Variants in EML5 observed in about 807,000 individuals in gnomAD.
EML5 encodes echinoderm microtubule-associated protein-like 5.
A neutral mutation model predicts 250.0 loss-of-function variants in EML5; 120 were observed. The ratio of observed to expected loss-of-function variants is 0.48; its 90% CI spans 0.41 to 0.56. The LOEUF (loss-of-function observed/expected upper bound fraction) is 0.56. EML5 is among the 20% of genes least tolerant of loss of function. The pLI is 0.00. For synonymous variants in EML5, 771 were observed against 806.5 expected (o/e 0.96, Z 0.75); for missense variants, 2,006 against 2,437.6 (o/e 0.82, Z 3.73).
intron 8 of EML5, 35 bp downstream of exon 8, chr14:88,726,506 T>TA (rs1432351376): frequency 6.4e-7 from 1 of 1,553,884 alleles, no homozygotes. Context: ...TCACTGAAGA[T>TA]AAAATTATTA....
Position 88,625,113 on chromosome 14 carries a change from A to G in EML5, c.4755T>C (p.Phe1585=). The change falls in exon 36 of 44, where the codon TTT becomes TTC. Residue 1585 remains phenylalanine, a synonymous_variant. Coordinates refer to ENST00000554922, the MANE Select transcript of EML5 (RefSeq NM_183387.3). ...AGACATCACCACTGATGGTACCTGTAAACGTCAAGTTATTCTGAAAAGGAG... is the reference window on the plus strand; with the variant it reads ...AGACATCACCACTGATGGTACCTGTGAACGTCAAGTTATTCTGAAAAGGAG... ...AIAFGANNLT[F]TGTISGDVCV... 8 of 1,613,834 alleles carry G rather than the reference A, an allele frequency of 5.0e-6. No individual in the cohort carries two copies. The highest frequency in any genetic ancestry group is 5.9e-6 in the Non-Finnish European group (7 of 1,179,832).
chr14:88,689,129 A>G (rs992146456), intron 17 of EML5, among the ~76,000 whole-genome samples: 4 of 152,186 alleles, frequency 2.6e-5, no homozygotes, highest in Admixed American at 2.6e-4. Context: ...TTTCCTATTA[A>G]TGGAGATTTA....
intron 1 of EML5, among the ~76,000 whole-genome samples, chr14:88,764,077 T>C (rs1248330448): frequency 6.6e-6 from 1 of 152,240 alleles, no homozygotes; most frequent in East Asian, 1.9e-4. Context: ...CTTGTATTCC[T>C]GGAATGAATC....
chr14:88,750,281 T>C (rs1382921905), intron 2 of EML5, among the ~76,000 whole-genome samples: 1 of 152,118 alleles, frequency 6.6e-6, no homozygotes, highest in Non-Finnish European at 1.5e-5. Flanking sequence ...AATGGGGATA[T>C]AAAATTACTT....
At chr14:88,692,455 T>A (rs2092983015) in intron 17 of EML5, among the ~76,000 whole-genome samples, 1 of 152,202 alleles carries the variant, frequency 6.6e-6, no homozygotes, top group Admixed American at 6.5e-5. Flanking sequence ...TAAACAACAG[T>A]ACAACAAACT....
Position 88,736,453 on chromosome 14 carries a change from C to T in EML5, c.960G>A (p.Met320Ile). Residue 320 changes from methionine (M) to isoleucine (I), a missense_variant, in exon 7 of 44, where the codon ATG becomes ATA. Transcript: ENST00000554922. ...VQERNKPFLI[M>I]QGHCEGELWA... ...AAAGTTCACCTTCACAATGCCCTTGCATAATTAGAAAAGGTTTATTTCTTT... is the reference window on the plus strand; with the variant it reads ...AAAGTTCACCTTCACAATGCCCTTGTATAATTAGAAAAGGTTTATTTCTTT... 1 of 1,614,052 alleles carries T rather than the reference C, an allele frequency of 6.2e-7. No individual in the cohort carries two copies. Among genetic ancestry groups the T allele is most frequent in the Non-Finnish European group, 8.5e-7 (1 of 1,179,906 alleles).
intron 27 of EML5, among the ~76,000 whole-genome samples, chr14:88,652,760 T>C (rs2091690624): frequency 6.6e-6 from 1 of 152,194 alleles, no homozygotes; most frequent in Non-Finnish European, 1.5e-5. Context: ...TCCATGCCAT[T>C]CAATGCTCCA....
At chr14:88,713,399 A>C (rs933501584) in intron 9 of EML5, among the ~76,000 whole-genome samples, 31 of 152,204 alleles carry the variant, frequency 2.0e-4, no homozygotes, top group African/African-American at 7.0e-4. Context: ...CTCAAAAAAA[A>C]AAAATACTAA....
At chr14:88,680,914 A>T (rs766591197) in intron 21 of EML5, among the ~76,000 whole-genome samples, 17 of 152,176 alleles carry the variant, frequency 1.1e-4, no homozygotes, top group Non-Finnish European at 1.2e-4. Flanking sequence ...CAGAAAAAAA[A>T]CAAAAACCAA....
intron 1 of EML5, among the ~76,000 whole-genome samples, chr14:88,782,833 A>C (rs568694268): frequency 1.4e-4 from 21 of 152,274 alleles, no homozygotes; most frequent in African/African-American, 5.1e-4. Flanking sequence ...TAATCCCAGC[A>C]CTTTGGGAGG....
At chr14:88,706,151 C>T in intron 11 of EML5, 108 bp downstream of exon 11, 2 of 1,049,936 alleles carry the variant, frequency 1.9e-6, no homozygotes, top group Non-Finnish European at 2.7e-6. Context: ...TAACAAACTA[C>T]ACTGTTAACT....
intron 25 of EML5, 37 bp downstream of exon 25, chr14:88,661,617 T>C (rs1192243323): frequency 7.0e-6 from 11 of 1,570,514 alleles, no homozygotes; most frequent in South Asian, 1.2e-5. Context: ...CATTTCATAA[T>C]TGATGATCAT....
chr14:88,672,213 C>G (rs1279989403), intron 21 of EML5, among the ~76,000 whole-genome samples: 1 of 152,304 alleles, frequency 6.6e-6, no homozygotes, highest in Non-Finnish European at 1.5e-5. Context: ...GACCACAGCA[C>G]TATCAAATTA....
chr14:88,616,638 A>C (rs1230958653), intron 42 of EML5, 88 bp downstream of exon 42: 7 of 1,314,290 alleles, frequency 5.3e-6, no homozygotes, highest in African/African-American at 1.5e-5. Context: ...ATTAGGACAA[A>C]ACATTTTAAA....
chr14:88,791,335 T>A (rs1262538010), intron 1 of EML5, among the ~76,000 whole-genome samples: 1 of 152,208 alleles, frequency 6.6e-6, no homozygotes, highest in Non-Finnish European at 1.5e-5. Context: ...GAATCTTTGA[T>A]AAAACCCCAA....
At position 88,693,848 on chromosome 14, in the gene EML5, G is replaced by A. The variant is rs181639493; in HGVS notation, c.2539+459C>T. The stretch of plus-strand genomic sequence containing the variant: ...GTGCAGTGGGAGATCACAGCTCACT[G>A]CAGCCTTAACCTCCTGGGCTCAAGT... On this transcript the variant is annotated intron_variant, in intron 17 of 43. Transcript: ENST00000554922. Among the ~76,000 whole-genome samples the A allele has an allele frequency of 3.9e-3, 521 of 132,598 alleles. 1 individual carries two copies. Among genetic ancestry groups the A allele is most frequent in the Middle Eastern group, 0.024 (5 of 208 alleles). 87.0% of individuals were successfully genotyped at this position (132,598 alleles called of 152,430 possible). A position where few individuals can be genotyped will look rare whatever the true frequency, so the allele number is the denominator to read the frequency against.
At chr14:88,664,774 T>C (rs1347943805) in intron 22 of EML5, 150 bp from the exon 23 acceptor site, 32 of 800,224 alleles carry the variant, frequency 4.0e-5, no homozygotes, top group Non-Finnish European at 5.7e-5. Flanking sequence ...TAACAAATGA[T>C]AACATTTTTC....
At chr14:88,721,719 A>G (rs1309454145) in intron 8 of EML5, among the ~76,000 whole-genome samples, 1 of 152,230 alleles carries the variant, frequency 6.6e-6, no homozygotes, top group Non-Finnish European at 1.5e-5. Context: ...CAAAGATTTC[A>G]TGAAGAAATC....
chr14:88,776,656 G>A (rs1227459409), intron 1 of EML5, among the ~76,000 whole-genome samples: 1 of 151,656 alleles, frequency 6.6e-6, no homozygotes, highest in Non-Finnish European at 1.5e-5. Flanking sequence ...CGAAGCAGGT[G>A]AACTGCTTGA....
Sources: allele counts gnomAD v4.1 joint callset (sites outside exome capture counted in the v4.1 genomes callset), GRCh38; gene constraint gnomAD v4.1.1; transcripts MANE v1.5; gene names NCBI Gene and HGNC (gene_info 2026-07-23, HGNC 2026-07-21).